The following NRG1 variants were observed in gnomAD, a reference collection of about 807,000 sequenced individuals.
NRG1 encodes neuregulin 1.
In NRG1, 18 loss-of-function variants were observed where a neutral mutation model predicts 63.8. That is an observed-to-expected ratio of 0.28 (90% CI 0.19 to 0.42). The LOEUF (loss-of-function observed/expected upper bound fraction) is 0.42, where lower values mean the gene tolerates loss of function less well. Ranked by LOEUF, NRG1 falls within the 10% of genes least tolerant of loss-of-function variation. NRG1 has a pLI of 1.00. For synonymous variants in NRG1, 302 were observed against 301.3 expected, an observed-to-expected ratio of 1.00 and a Z score of -0.02; for missense variants, 762 against 814.7, an observed-to-expected ratio of 0.94 and a Z score of 0.79.
At chr8:31,976,801 A>C (rs1808269638) in intron 1 of NRG1, among the ~76,000 whole-genome samples, 1 of 152,108 alleles carries the variant, frequency 6.6e-6, no homozygotes, top group African/African-American at 2.4e-5. Flanking sequence ...CTGTGTTTGT[A>C]TTGCTGCCAT....
intron 1 of NRG1, among the ~76,000 whole-genome samples, chr8:31,687,493 C>T (rs762687287): frequency 2.0e-5 from 3 of 152,116 alleles, no homozygotes; most frequent in Admixed American, 6.5e-5. Context: ...AATGCCTGTA[C>T]CTGATCTGCA....
intron 1 of NRG1, among the ~76,000 whole-genome samples, chr8:31,731,932 G>A (rs1399294606): frequency 6.6e-6 from 1 of 152,182 alleles, no homozygotes; most frequent in African/African-American, 2.4e-5. Context: ...CCTCTGTCAT[G>A]GGGTTGCTGT....
chr8:31,795,987 A>G (rs1316677165), intron 1 of NRG1, among the ~76,000 whole-genome samples: 1 of 152,212 alleles, frequency 6.6e-6, no homozygotes, highest in Non-Finnish European at 1.5e-5. Context: ...CACAGCATAA[A>G]CATGTTTATT....
At chr8:31,727,322 T>C (rs530103061) in intron 1 of NRG1, among the ~76,000 whole-genome samples, 1 of 152,330 alleles carries the variant, frequency 6.6e-6, no homozygotes, top group African/African-American at 2.4e-5. Flanking sequence ...TTTGATTTGA[T>C]AGATTACAGC....
chr8:32,641,344 C>T (rs1373658824), intron 5 of NRG1, among the ~76,000 whole-genome samples: 1 of 152,018 alleles, frequency 6.6e-6, no homozygotes, highest in Non-Finnish European at 1.5e-5. Context: ...ATTTGAAAGT[C>T]AACAACTCAG....
chr8:32,468,723 T>G (rs1381711169), intron 1 of NRG1, among the ~76,000 whole-genome samples: 1 of 5,222 alleles, frequency 1.9e-4, no homozygotes, highest in Admixed American at 6.5e-4. Context: ...AACATTACAG[T>G]TTTTTTTTTT....
intron 1 of NRG1, among the ~76,000 whole-genome samples, chr8:32,508,645 G>A (rs572428688): frequency 1.3e-5 from 2 of 151,908 alleles, no homozygotes; most frequent in African/African-American, 4.8e-5. Flanking sequence ...TTTAACAGTT[G>A]TCATTCTGAT....
intron 1 of NRG1, among the ~76,000 whole-genome samples, chr8:32,409,191 G>T (rs542696359): frequency 2.0e-5 from 3 of 152,032 alleles, no homozygotes; most frequent in Non-Finnish European, 4.4e-5. Flanking sequence ...AGGAAAATTG[G>T]CTAGCCATAT....
intron 1 of NRG1, among the ~76,000 whole-genome samples, chr8:32,417,098 A>C (rs1028948799): frequency 1.3e-5 from 2 of 152,192 alleles, no homozygotes; most frequent in African/African-American, 4.8e-5. Flanking sequence ...GCCTCAGCTT[A>C]CACTGTGGTT....
chr8:32,092,065 TA>T (rs527510964), intron 1 of NRG1, among the ~76,000 whole-genome samples: 1 of 151,802 alleles, frequency 6.6e-6, no homozygotes, highest in Non-Finnish European at 1.5e-5. Context: ...AGTAATTTTT[TA>T]AAAAAAATAC....
chr8:32,067,269 T>C (rs372644731), intron 1 of NRG1, among the ~76,000 whole-genome samples: 1 of 152,090 alleles, frequency 6.6e-6, no homozygotes, highest in Non-Finnish European at 1.5e-5. Context: ...CTTGTGCCAG[T>C]TTTCAAAGGG....
intron 1 of NRG1, among the ~76,000 whole-genome samples, chr8:32,245,689 A>G (rs1261960602): frequency 6.6e-6 from 1 of 152,170 alleles, no homozygotes; most frequent in Non-Finnish European, 1.5e-5. Flanking sequence ...CACAAAATAA[A>G]GCTAGTACCA....
intron 1 of NRG1, among the ~76,000 whole-genome samples, chr8:32,137,806 T>C (rs142010494): frequency 1.4e-4 from 21 of 152,342 alleles, no homozygotes; most frequent in Non-Finnish European, 2.9e-4. Flanking sequence ...TGAGAGTCTA[T>C]GCGCTGCTGC....
intron 1 of NRG1, among the ~76,000 whole-genome samples, chr8:31,795,349 G>A (rs1821099410): frequency 6.6e-6 from 1 of 152,172 alleles, no homozygotes; most frequent in South Asian, 2.1e-4. Context: ...GTCAGAGTGA[G>A]GGTGAGGTTG....
chr8:31,680,198 A>T (rs1338439563), intron 1 of NRG1, among the ~76,000 whole-genome samples: 2 of 151,910 alleles, frequency 1.3e-5, no homozygotes, highest in African/African-American at 2.4e-5. Flanking sequence ...TGTGCAGGTT[A>T]GTTACATATG....
rs541047691 is a variant in NRG1 at position 31,656,575 on chromosome 8, G to A, written c.37+17144G>A. On this transcript the variant is annotated intron_variant, in intron 1 of 10. Transcript: ENST00000519301. ...ACTCTGAGGCTTTCTTTGGTGGTGG[G>A]GGATAAGACTGGGAAGAATAACTAA... is the stretch of plus-strand genomic sequence containing the variant. Among the ~76,000 whole-genome samples, 3 of 152,250 alleles carry A rather than the reference G, an allele frequency of 2.0e-5. No individual in the cohort carries two copies. The East Asian group carries it at 5.8e-4, about 29-fold the overall frequency.
chr8:32,284,804 G>A (rs1853332353), intron 1 of NRG1, among the ~76,000 whole-genome samples: 1 of 152,036 alleles, frequency 6.6e-6, no homozygotes, highest in South Asian at 2.1e-4. Context: ...TTGCTTCAAG[G>A]TCCCAAAGTA....
chr8:32,289,660 A>G (rs1173215987), intron 1 of NRG1, among the ~76,000 whole-genome samples: 1 of 152,178 alleles, frequency 6.6e-6, no homozygotes, highest in Non-Finnish European at 1.5e-5. Flanking sequence ...AAACACTTAA[A>G]GCTTGATTTG....
rs1480354879 is a variant in NRG1, at chr8:32,742,273, A to G, written c.633-402A>G. On this transcript the variant is annotated intron_variant, in intron 6 of 11. Transcript: ENST00000356819. The surrounding 1 kb of genome is among the most constrained non-coding windows in gnomAD (Gnocchi z 4.2). ...GTCCCTAAGTCATCAATTTACAAGA[A>G]TGGCCAGTCACGATGGCCCGTGATG... Among the ~76,000 whole-genome samples the G allele has an allele frequency of 6.6e-6, 1 of 152,158 alleles. No individual in the cohort carries two copies. Among genetic ancestry groups the G allele is most frequent in the Non-Finnish European group, 1.5e-5 (1 of 68,028 alleles).
Sources: allele counts gnomAD v4.1 joint callset (sites outside exome capture counted in the v4.1 genomes callset), GRCh38; gene constraint gnomAD v4.1.1; non-coding constraint Gnocchi (gnomAD v3.1); transcripts MANE v1.5; gene names NCBI Gene and HGNC (gene_info 2026-07-23, HGNC 2026-07-21).